NFKB1: variants seen among roughly 807,000 people sequenced by gnomAD.
NFKB1 encodes nuclear factor NF-kappa-B p105 subunit.
A neutral mutation model predicts 105.1 loss-of-function variants in NFKB1; 9 were observed. The ratio of observed to expected loss-of-function variants is 0.09; its 90% CI spans 0.05 to 0.15. The LOEUF (loss-of-function observed/expected upper bound fraction) is 0.15. Ranked by LOEUF, NFKB1 falls within the 10% of genes least tolerant of loss-of-function variation. The pLI, the probability that NFKB1 is intolerant of heterozygous loss-of-function variation, is 1.00. For missense variants in NFKB1, 830 were observed against 1,203.7 expected (o/e 0.69, Z 4.59); for synonymous variants, 440 against 442.2 (o/e 1.00, Z 0.06).
intron 5 of NFKB1, among the ~76,000 whole-genome samples, chr4:102,561,279 T>TGTG (rs567727578): frequency 2.8e-4 from 36 of 130,802 alleles, no homozygotes; most frequent in African/African-American, 8.9e-4. Flanking sequence ...TTTTTTTTTT[T>TGTG]TTTGTGTGTG....
intron 6 of NFKB1, among the ~76,000 whole-genome samples, chr4:102,572,895 C>T (rs1376773416): frequency 6.6e-6 from 1 of 152,216 alleles, no homozygotes; most frequent in African/African-American, 2.4e-5. Context: ...TCTTCTGCCT[C>T]AGGCACTTCC....
intron 1 of NFKB1, chr4:102,510,957 AAAAAG>A: frequency 1.6e-6 from 2 of 1,283,330 alleles, no homozygotes; most frequent in Non-Finnish European, 2.0e-6. Flanking sequence ...CAGGTAAACT[AAAAAG>A]AAAAAGAGTG....
At position 102,567,963 on chromosome 4, in the gene NFKB1, A is replaced by T. The variant is rs571162281; in HGVS notation, c.407+828A>T. Among the ~76,000 whole-genome samples the T allele has an allele frequency of 2.0e-5, 3 of 152,324 alleles. No homozygotes were observed. In the East Asian group the frequency reaches 5.8e-4, roughly 29 times the overall value. On this transcript the variant is annotated intron_variant, in intron 6 of 23. Transcript: ENST00000226574. ...CTTTCTTTGGAAGTCCTTAAATGCA[A>T]AAGAAGAAATTTTTAATTTTGTTTA...
At chr4:102,562,228 C>T (rs557769992) in intron 5 of NFKB1, among the ~76,000 whole-genome samples, 8 of 152,276 alleles carry the variant, frequency 5.3e-5, no homozygotes, top group African/African-American at 1.7e-4. Context: ...ATACTCCTAG[C>T]CTTCTTTCAG....
chr4:102,502,510 A>G (rs78573682), intron 1 of NFKB1, among the ~76,000 whole-genome samples: 38,982 of 151,950 alleles, frequency 0.26, 6,233 homozygotes, highest in Non-Finnish European at 0.35. Context: ...CTACCTGGAT[A>G]CTTAGAGCAC....
chr4:102,557,197 T>A, intron 5 of NFKB1: 1 of 152,212 alleles, frequency 6.6e-6, no homozygotes, highest in African/African-American at 2.4e-5. Flanking sequence ...ACTGCAGATA[T>A]CTGCTTAAGG....
chr4:102,525,267 G>A (rs1034726301), intron 1 of NFKB1, among the ~76,000 whole-genome samples: 2 of 152,086 alleles, frequency 1.3e-5, no homozygotes, highest in Non-Finnish European at 2.9e-5. Flanking sequence ...ACACTGTGGC[G>A]AGCTTAACAC....
intron 5 of NFKB1, among the ~76,000 whole-genome samples, chr4:102,553,148 G>A (rs1251709866): frequency 6.6e-6 from 1 of 152,052 alleles, no homozygotes; most frequent in Non-Finnish European, 1.5e-5. Flanking sequence ...TCCCAACATG[G>A]TCCAAATTTT....
chr4:102,583,197 G>A (rs1040941347), intron 10 of NFKB1, among the ~76,000 whole-genome samples: 5 of 151,958 alleles, frequency 3.3e-5, no homozygotes, highest in African/African-American at 1.2e-4. Context: ...TCTTGCTCAG[G>A]CTCGTCTTGA....
At chr4:102,510,094 TTTC>T (rs1739681558) in intron 1 of NFKB1, among the ~76,000 whole-genome samples, 2 of 152,212 alleles carry the variant, frequency 1.3e-5, no homozygotes, top group Non-Finnish European at 2.9e-5. Context: ...GTGCCTTTTC[TTTC>T]CTAGCCATCC....
rs1439071994 is a variant in NFKB1, at chr4:102,579,644, A to AT, written c.730+605_730+606insT. Reference sequence around the variant, plus strand: ...ATAATGAGACCCCATCTCAAAAAAAAAAATATATATATATATATATGTATA... The same window carrying AT: ...ATAATGAGACCCCATCTCAAAAAAAATAAATATATATATATATATATGTATA... On this transcript the variant is annotated intron_variant, in intron 8 of 23. Coordinates refer to ENST00000226574, the MANE Select transcript of NFKB1 (RefSeq NM_003998.4). 5.4e-3 allele frequency among the ~76,000 whole-genome samples: 551 copies of AT among 101,712 alleles called. 3 individuals are homozygous for AT. The highest frequency in any genetic ancestry group is 0.022 in the African/African-American group (524 of 24,076). The allele number at this position is 101,712 out of a possible 152,430, so 66.7% of individuals were successfully genotyped here.
chr4:102,516,712 A>C (rs1740212249), intron 1 of NFKB1, among the ~76,000 whole-genome samples: 1 of 150,836 alleles, frequency 6.6e-6, no homozygotes, highest in Non-Finnish European at 1.5e-5. Context: ...TTTTTTTCTC[A>C]GTCTTATTTT....
At chr4:102,519,570 G>A (rs1740435077) in intron 1 of NFKB1, among the ~76,000 whole-genome samples, 1 of 151,912 alleles carries the variant, frequency 6.6e-6, no homozygotes, top group African/African-American at 2.4e-5. Context: ...ATTGCCTTGT[G>A]AATAACTCAT....
chr4:102,532,195 T>C (rs924838752), intron 3 of NFKB1, among the ~76,000 whole-genome samples: 3 of 152,204 alleles, frequency 2.0e-5, no homozygotes, highest in African/African-American at 7.2e-5. Flanking sequence ...TTTTTTCTTG[T>C]GTATGCTTCA....
intron 6 of NFKB1, among the ~76,000 whole-genome samples, chr4:102,573,326 G>A (rs1724545553): frequency 6.6e-6 from 1 of 152,080 alleles, no homozygotes; most frequent in Non-Finnish European, 1.5e-5. Flanking sequence ...AAGAATTATA[G>A]GTTGACAGTA....
At chr4:102,550,614 C>A (rs1722499454) in intron 5 of NFKB1, among the ~76,000 whole-genome samples, 1 of 152,142 alleles carries the variant, frequency 6.6e-6, no homozygotes, top group African/African-American at 2.4e-5. Context: ...TTGCTCAGTC[C>A]AATAATTCAC....
At chr4:102,584,648 C>A in intron 10 of NFKB1, 34 bp from the exon 11 acceptor site, 3 of 1,555,378 alleles carry the variant, frequency 1.9e-6, no homozygotes, top group South Asian at 1.2e-5. Flanking sequence ...AAAATGTAGT[C>A]CTACACCAAC....
At chr4:102,547,656 C>CT (rs1390597683) in intron 5 of NFKB1, among the ~76,000 whole-genome samples, 1 of 152,134 alleles carries the variant, frequency 6.6e-6, no homozygotes. Flanking sequence ...ATGACAGTTG[C>CT]TTCTATTTTT....
At chr4:102,541,498 T>A (rs1480523110) in intron 5 of NFKB1, among the ~76,000 whole-genome samples, 1 of 152,170 alleles carries the variant, frequency 6.6e-6, no homozygotes, top group Non-Finnish European at 1.5e-5. Context: ...TCTTCAACAT[T>A]TTGTATTCTG....
Sources: gnomAD v4.1 joint callset for allele counts (sites outside exome capture counted in the v4.1 genomes callset) on GRCh38, gnomAD v4.1.1 for gene constraint, MANE v1.5 for transcripts, NCBI Gene and HGNC (gene_info 2026-07-23, HGNC 2026-07-21) for gene names.